Variants in KIF9 observed in about 807,000 individuals in gnomAD.
KIF9 encodes the protein kinesin-like protein KIF9.
In KIF9, 68 loss-of-function variants were observed where a neutral mutation model predicts 94.8. That is an observed-to-expected ratio of 0.72 (90% confidence interval 0.59 to 0.88). The LOEUF (loss-of-function observed/expected upper bound fraction) is 0.88, where lower values mean the gene tolerates loss of function less well. Among genes scored for constraint, KIF9 ranks in the 40% least tolerant of loss-of-function variants. The pLI, the probability that KIF9 is intolerant of heterozygous loss-of-function variation, is 0.00. For synonymous variants in KIF9, 343 were observed against 362.1 expected (o/e 0.95, Z 0.60); for missense variants, 882 against 982.5 (o/e 0.90, Z 1.37).
At chr3:47,228,816 T>C (rs1698341701) in intron 20 of KIF9, 114 bp from the exon 21 acceptor site, 1 of 824,876 alleles carries the variant, frequency 1.2e-6, no homozygotes. Context: ...CATCATGGGT[T>C]GTGGACAAGG....
At chr3:47,269,230 TAA>T (rs1160595285) in intron 5 of KIF9, among the ~76,000 whole-genome samples, 2 of 152,226 alleles carry the variant, frequency 1.3e-5, no homozygotes, top group Non-Finnish European at 2.9e-5. Flanking sequence ...CATAAAAAAA[TAA>T]AGAGTTCCTA....
intron 9 of KIF9, among the ~76,000 whole-genome samples, chr3:47,261,486 G>C (rs575690959): frequency 1.4e-4 from 21 of 152,192 alleles, no homozygotes; most frequent in Non-Finnish European, 2.5e-4. Context: ...GAACAGCCAG[G>C]GGCCTCAGGA....
Position 47,245,440 on chromosome 3 carries a change from G to C in KIF9, c.1361C>G (p.Ala454Gly), listed in dbSNP as rs776554131. The C allele has an allele frequency of 6.2e-7, 1 of 1,613,688 alleles. No individual in the cohort carries two copies. Among genetic ancestry groups the C allele is most frequent in the South Asian group, 1.1e-5 (1 of 91,072 alleles). ...GCTTACCTTCTGGATAGCAGAAATGGCTGCAAAGTCATTCCTGTCAATGAG... is the reference window on the plus strand; with the variant it reads ...GCTTACCTTCTGGATAGCAGAAATGCCTGCAAAGTCATTCCTGTCAATGAG... ...YTLIDRNDFA[A>G]ISAIQKAGLV... Residue 454 changes from alanine (A) to glycine (G), a missense_variant, in exon 14 of 21, where the codon GCC becomes GGC. By Grantham distance (60) the Ala-to-Gly change is moderately conservative. Coordinates refer to ENST00000684063, the MANE Select transcript of KIF9 (RefSeq NM_182902.4).
At chr3:47,231,243 CAATG>C (rs1199715000) in intron 20 of KIF9, among the ~76,000 whole-genome samples, 2 of 151,950 alleles carry the variant, frequency 1.3e-5, no homozygotes, top group Non-Finnish European at 2.9e-5. Context: ...AATACACACT[CAATG>C]AATAGGAACA....
At chr3:47,230,534 ACCAG>A (rs1167024460) in intron 20 of KIF9, among the ~76,000 whole-genome samples, 2 of 150,742 alleles carry the variant, frequency 1.3e-5, no homozygotes, top group Non-Finnish European at 2.9e-5. Context: ...GGAGTTCGAG[ACCAG>A]CCTGACCAAC....
At chr3:47,257,006 G>A (rs562310866) in intron 10 of KIF9, among the ~76,000 whole-genome samples, 4 of 152,052 alleles carry the variant, frequency 2.6e-5, no homozygotes, top group African/African-American at 4.8e-5. Flanking sequence ...CAAACACTGC[G>A]GAAGGCCAGA....
At chr3:47,269,608 TTTTA>T (rs935568544) in intron 5 of KIF9, among the ~76,000 whole-genome samples, 1 of 151,756 alleles carries the variant, frequency 6.6e-6, no homozygotes, top group African/African-American at 2.4e-5. Flanking sequence ...AGAGCCTTTA[TTTTA>T]TTTTTTTGAG....
chr3:47,255,028 C>G (rs1416235843), intron 10 of KIF9, among the ~76,000 whole-genome samples: 1 of 152,104 alleles, frequency 6.6e-6, no homozygotes, highest in Non-Finnish European at 1.5e-5. Context: ...TCTACAGAGC[C>G]ACAGGGACTG....
Position 47,275,517 on chromosome 3 carries a change from A to C in KIF9, c.94-27T>G, listed in dbSNP as rs576349147. 23 of 1,573,286 alleles carry C rather than the reference A, an allele frequency of 1.5e-5. No homozygotes were observed. The South Asian group carries it at 2.2e-4, about 15-fold the overall frequency. Reference sequence around the variant, plus strand: ...TAGGAAAAAAGAGTGAGAAAGAAAAAAATGTTATTTGTTCAAAAATGGGTA... The same window carrying C: ...TAGGAAAAAAGAGTGAGAAAGAAAACAATGTTATTTGTTCAAAAATGGGTA... On this transcript the variant is annotated intron_variant, in intron 2 of 20. Coordinates refer to ENST00000684063, the MANE Select transcript of KIF9 (RefSeq NM_182902.4).
intron 5 of KIF9, among the ~76,000 whole-genome samples, chr3:47,268,860 C>T (rs1701456797): frequency 6.6e-6 from 1 of 152,206 alleles, no homozygotes; most frequent in African/African-American, 2.4e-5. Context: ...GCTGGGATTA[C>T]AGGCATGAGC....
At chr3:47,271,109 A>T in intron 5 of KIF9, 128 bp downstream of exon 5, 2 of 697,552 alleles carry the variant, frequency 2.9e-6, no homozygotes, top group Non-Finnish European at 4.8e-6. Context: ...ATGCCAGTAT[A>T]CTCCAGACTT....
chr3:47,257,540 G>A lies in KIF9; in HGVS notation c.1002C>T (p.Ala334=). Reference sequence around the variant, plus strand: ...CAGTGGTGACTAGCTTCATCCTGCTGGCAAATCTCAGTGAAGATAGCTGCA... The same window carrying A: ...CAGTGGTGACTAGCTTCATCCTGCTAGCAAATCTCAGTGAAGATAGCTGCA... ...LEETLSSLRF[A]SRMKLVTTEP... is the part of the protein sequence containing the mutation. Residue 334 remains alanine, a synonymous_variant, in exon 10 of 21, where the codon GCC becomes GCT. Coordinates refer to ENST00000684063, the MANE Select transcript of KIF9 (RefSeq NM_182902.4). 1.2e-6 allele frequency: 2 copies of A among 1,613,754 alleles called. No homozygotes were observed. The highest frequency in any genetic ancestry group is 1.7e-6 in the Non-Finnish European group (2 of 1,179,998).
In KIF9 at chr3:47,274,667, C is replaced by A. The variant is rs1021824207; in HGVS notation, c.259+658G>T. On this transcript the variant is annotated intron_variant, in intron 3 of 20. Transcript: ENST00000684063. ...GGTTCCACAGCACCAGTGCTCAAGA[C>A]TATTCATCTCCCTGGGCCTTAGTTC... 5.5e-4 allele frequency among the ~76,000 whole-genome samples: 84 copies of A among 152,340 alleles called. 1 individual carries two copies. The highest frequency in any genetic ancestry group is 1.9e-3 in the African/African-American group (79 of 41,580).
chr3:47,244,702 C>A, intron 15 of KIF9, 89 bp downstream of exon 15: 1 of 1,498,574 alleles, frequency 6.7e-7, no homozygotes. Context: ...GCTGAGACAC[C>A]AGGGGGAAAG....
chr3:47,265,985 G>A, intron 7 of KIF9, 108 bp from the exon 8 acceptor site: 4 of 1,196,904 alleles, frequency 3.3e-6, no homozygotes, highest in Non-Finnish European at 3.6e-6. Flanking sequence ...GGTCAGGTCA[G>A]CGCCTCCTTC....
chr3:47,267,050 A>T lies in KIF9; in HGVS notation c.694T>A (p.Ser232Thr). The T allele has an allele frequency of 6.2e-7, 1 of 1,613,862 alleles. No individual in the cohort carries two copies. Among genetic ancestry groups the T allele is most frequent in the Non-Finnish European group, 8.5e-7 (1 of 1,179,964 alleles). The part of the protein sequence containing the change: ...IYLEAHSRTL[S>T]EEKYITSKIN... ...TTGGAAGTGATGTACTTTTCCTCTG[A>T]TAAGGTCCGGGAATGGGCCTACAAA... The change falls in exon 7 of 21, where the codon TCA (serine) becomes ACA (threonine). Residue 232 changes from serine (S) to threonine (T), a missense_variant. By Grantham distance (58) the Ser-to-Thr change is moderately conservative (BLOSUM62 1). Coordinates refer to ENST00000684063, the MANE Select transcript of KIF9 (RefSeq NM_182902.4).
intron 10 of KIF9, among the ~76,000 whole-genome samples, chr3:47,250,114 T>TC (rs1049169912): frequency 2.0e-5 from 3 of 151,768 alleles, no homozygotes; most frequent in Admixed American, 2.0e-4. Context: ...TCTAATTTTT[T>TC]TTCATAGCAC....
intron 17 of KIF9, chr3:47,238,620 G>A (rs1249558333): frequency 6.6e-6 from 1 of 151,460 alleles, no homozygotes; most frequent in Admixed American, 6.6e-5. Flanking sequence ...ACTTTGGGGG[G>A]ACAGCACAAA....
rs1698329392 is a variant in KIF9 at position 47,228,698 on chromosome 3, T to G, written c.2327A>C (p.Asn776Thr). Residue 776 changes from asparagine (N) to threonine (T), a missense_variant, in exon 21 of 21, where the codon AAT (asparagine) becomes ACT (threonine). By Grantham distance (65) the Asn-to-Thr change is moderately conservative (BLOSUM62 0). Transcript: ENST00000684063. ...GAGGCCCATCATGGTTTTCAAGTAA[T>G]TATGCTGGACACAGAGGGAAGAGAA... ...NAKVKIEQKH[N>T]YLKTMMGLQQ... The G allele has an allele frequency of 2.5e-6, 4 of 1,613,608 alleles. No homozygotes were observed. The African/African-American group carries it at 4.0e-5, about 16-fold the overall frequency.
Sources: allele counts gnomAD v4.1 joint callset (sites outside exome capture counted in the v4.1 genomes callset), GRCh38; gene constraint gnomAD v4.1.1; transcripts MANE v1.5; gene names NCBI Gene and HGNC (gene_info 2026-07-23, HGNC 2026-07-21).